Variants in ST6GALNAC3 observed in about 807,000 individuals in gnomAD.
ST6GALNAC3 encodes ST6 N-acetylgalactosaminide alpha-2,6-sialyltransferase 3, also known as alpha-N-acetylgalactosaminide alpha-2,6-sialyltransferase 3.
A neutral mutation model predicts 32.7 loss-of-function variants in ST6GALNAC3; 25 were observed. That is an observed-to-expected ratio of 0.76 (90% CI 0.56 to 1.07). The LOEUF (loss-of-function observed/expected upper bound fraction) is 1.07. ST6GALNAC3 is among the 50% of genes least tolerant of loss of function. The probability of loss-of-function intolerance (pLI) is 0.00; values close to 1 mark genes in which losing one functional copy is unlikely to be tolerated. For synonymous variants in ST6GALNAC3, 129 were observed against 133.1 expected (o/e 0.97, Z 0.21); for missense variants, 355 against 382.4 (o/e 0.93, Z 0.60).
intron 1 of ST6GALNAC3, among the ~76,000 whole-genome samples, chr1:76,246,075 A>G (rs891450554): frequency 1.3e-5 from 2 of 152,192 alleles, no homozygotes; most frequent in Non-Finnish European, 2.9e-5. Context: ...AACTTGCTCT[A>G]TGAATCTGGG....
At chr1:76,635,364 G>A (rs1649478239), downstream of ST6GALNAC3, among the ~76,000 whole-genome samples, 1 of 152,102 alleles carries the variant, frequency 6.6e-6, no homozygotes, top group Non-Finnish European at 1.5e-5. Context: ...AGTCATCTTT[G>A]GAAATAATAA....
intron 1 of ST6GALNAC3, among the ~76,000 whole-genome samples, chr1:76,144,854 AGAGGT>A (rs1315679490): frequency 6.6e-6 from 1 of 152,230 alleles, no homozygotes; most frequent in Non-Finnish European, 1.5e-5. Flanking sequence ...TGTGTAATTT[AGAGGT>A]GAGGGCCTCC....
At chr1:76,534,114 C>T (rs886942459) in intron 3 of ST6GALNAC3, among the ~76,000 whole-genome samples, 1 of 152,100 alleles carries the variant, frequency 6.6e-6, no homozygotes, top group African/African-American at 2.4e-5. Context: ...GTGATCTTGA[C>T]TCACTGCAAC....
At chr1:76,162,747 A>T (rs1651888208) in intron 1 of ST6GALNAC3, among the ~76,000 whole-genome samples, 1 of 152,228 alleles carries the variant, frequency 6.6e-6, no homozygotes, top group South Asian at 2.1e-4. Context: ...ACAAATAATT[A>T]CAAAGGGGCA....
At chr1:76,244,152 AG>A (rs1422534815) in intron 1 of ST6GALNAC3, among the ~76,000 whole-genome samples, 2 of 151,806 alleles carry the variant, frequency 1.3e-5, no homozygotes, top group Non-Finnish European at 1.5e-5. Context: ...CTTCTTGAAG[AG>A]GTCCTTCTTG....
chr1:76,340,171 G>A (rs1003797624), intron 2 of ST6GALNAC3, among the ~76,000 whole-genome samples: 1 of 152,180 alleles, frequency 6.6e-6, no homozygotes, highest in African/African-American at 2.4e-5. Context: ...TGGTCCCTCG[G>A]AGTGCATTTT....
intron 3 of ST6GALNAC3, among the ~76,000 whole-genome samples, chr1:76,445,239 C>T (rs940112219): frequency 6.6e-6 from 1 of 152,168 alleles, no homozygotes; most frequent in African/African-American, 2.4e-5. Flanking sequence ...ATATAACAAT[C>T]TTAGTGTTCT....
At chr1:76,151,806 G>A (rs769439549) in intron 1 of ST6GALNAC3, among the ~76,000 whole-genome samples, 2 of 152,160 alleles carry the variant, frequency 1.3e-5, no homozygotes, top group Non-Finnish European at 2.9e-5. Flanking sequence ...GTCCCATCCC[G>A]GATTCACCTT....
intron 3 of ST6GALNAC3, among the ~76,000 whole-genome samples, chr1:76,454,552 C>T (rs1416018554): frequency 1.3e-5 from 2 of 152,012 alleles, no homozygotes; most frequent in Non-Finnish European, 2.9e-5. Context: ...GCTTAGTTTC[C>T]CAGGATGCAA....
chr1:76,175,324 T>A (rs1002496529), intron 1 of ST6GALNAC3, among the ~76,000 whole-genome samples: 2 of 152,240 alleles, frequency 1.3e-5, no homozygotes, highest in African/African-American at 2.4e-5. Context: ...CCAGATAATA[T>A]GATTCTTTTT....
intron 3 of ST6GALNAC3, among the ~76,000 whole-genome samples, chr1:76,523,350 T>A (rs995910936): frequency 2.6e-5 from 4 of 152,204 alleles, no homozygotes; most frequent in African/African-American, 9.6e-5. Context: ...GTTGCCTATT[T>A]CTTTTTCTCT....
chr1:76,270,840 T>C (rs1286683640), intron 1 of ST6GALNAC3, among the ~76,000 whole-genome samples: 6 of 152,320 alleles, frequency 3.9e-5, no homozygotes, highest in African/African-American at 1.4e-4. Flanking sequence ...CCAAAAGCTG[T>C]TGTAAGCAGC....
intron 1 of ST6GALNAC3, among the ~76,000 whole-genome samples, chr1:76,259,702 A>G (rs1658115674): frequency 6.6e-6 from 1 of 152,140 alleles, no homozygotes; most frequent in Non-Finnish European, 1.5e-5. Context: ...CCTTCTCTCT[A>G]TTAGTATATA....
At chr1:76,222,640 AC>A (rs1655839798) in intron 1 of ST6GALNAC3, among the ~76,000 whole-genome samples, 1 of 152,008 alleles carries the variant, frequency 6.6e-6, no homozygotes, top group African/African-American at 2.4e-5. Context: ...GTGCACATGT[AC>A]CCTAAAACTT....
chr1:76,634,676 C>T (rs1236477152), downstream of ST6GALNAC3: 2 of 131,776 alleles, frequency 1.5e-5, no homozygotes, highest in Non-Finnish European at 3.3e-5. Flanking sequence ...AGGGAAAAGG[C>T]GGTATGGGAT....
chr1:76,452,495 T>C (rs529478907), intron 3 of ST6GALNAC3, among the ~76,000 whole-genome samples: 1 of 152,336 alleles, frequency 6.6e-6, no homozygotes, highest in Admixed American at 6.5e-5. Context: ...AAAAGGATAG[T>C]GAATTTTGTG....
chr1:76,169,090 T>G (rs1652309797), intron 1 of ST6GALNAC3, among the ~76,000 whole-genome samples: 1 of 152,088 alleles, frequency 6.6e-6, no homozygotes, highest in South Asian at 2.1e-4. Context: ...GTGCTGGTAA[T>G]GCTTTCCTTT....
chr1:76,328,196 T>C (rs1557791218), intron 2 of ST6GALNAC3, among the ~76,000 whole-genome samples: 1 of 152,174 alleles, frequency 6.6e-6, no homozygotes, highest in African/African-American at 2.4e-5. Context: ...AATATGCTGA[T>C]ACATTATTCT....
intron 1 of ST6GALNAC3, among the ~76,000 whole-genome samples, chr1:76,109,624 C>T (rs1041943471): frequency 3.3e-5 from 5 of 152,226 alleles, no homozygotes; most frequent in African/African-American, 9.6e-5. Flanking sequence ...TCCGGTCTGG[C>T]GGATCTGTTC....
Sources: allele counts gnomAD v4.1 joint callset (sites outside exome capture counted in the v4.1 genomes callset), GRCh38; gene constraint gnomAD v4.1.1; transcripts MANE v1.5; gene names NCBI Gene and HGNC (gene_info 2026-07-23, HGNC 2026-07-21).